Variants in DLGAP1 observed in about 807,000 individuals in gnomAD.
The protein encoded by DLGAP1 is disks large-associated protein 1.
A neutral mutation model predicts 90.8 loss-of-function variants in DLGAP1; 11 were observed. The observed-to-expected ratio is 0.12, with a 90% CI of 0.08 to 0.20. The LOEUF (loss-of-function observed/expected upper bound fraction) is 0.20, where lower values mean the gene tolerates loss of function less well. DLGAP1 is among the 10% of genes least tolerant of loss of function. The pLI is 1.00. For missense variants in DLGAP1, 1,050 were observed against 1,333.8 expected (o/e 0.79, Z 3.31); for synonymous variants, 558 against 540.7 (o/e 1.03, Z -0.44).
intron 6 of DLGAP1, among the ~76,000 whole-genome samples, chr18:3,741,556 A>G (rs1444195614): frequency 6.6e-6 from 1 of 150,636 alleles, no homozygotes; most frequent in Non-Finnish European, 1.5e-5. Context: ...CACCACCATC[A>G]CCATCACTAT....
chr18:3,989,467 C>G (rs1172264675), intron 3 of DLGAP1, among the ~76,000 whole-genome samples: 2 of 152,178 alleles, frequency 1.3e-5, no homozygotes, highest in East Asian at 3.9e-4. Flanking sequence ...TCCACACAGC[C>G]ATTGTATGAT....
chr18:4,181,003 G>A (rs1010982756), intron 1 of DLGAP1, among the ~76,000 whole-genome samples: 1 of 152,104 alleles, frequency 6.6e-6, no homozygotes, highest in African/African-American at 2.4e-5. Flanking sequence ...GATACTGATG[G>A]GTTTGAGCAA....
chr18:3,924,291 T>C (rs2072332909), intron 3 of DLGAP1, among the ~76,000 whole-genome samples: 1 of 152,134 alleles, frequency 6.6e-6, no homozygotes, highest in African/African-American at 2.4e-5. Context: ...CATGGGGAAA[T>C]ATAAAAAGCT....
chr18:3,854,145 C>T lies in DLGAP1; in HGVS notation c.957+24967G>A, dbSNP rs560565439. Reference sequence around the variant, plus strand: ...ATAACACCTGTAACAAAGTAATATGCTTTTAAATAAAATTTTAAAATGTAG... The same window carrying T: ...ATAACACCTGTAACAAAGTAATATGTTTTTAAATAAAATTTTAAAATGTAG... On this transcript the variant is annotated intron_variant, in intron 4 of 12. Transcript: ENST00000315677. Among the ~76,000 whole-genome samples the T allele has an allele frequency of 5.2e-3, 790 of 152,210 alleles. 10 individuals carry two copies. The highest frequency in any genetic ancestry group is 0.018 in the African/African-American group (752 of 41,532).
intron 1 of DLGAP1, among the ~76,000 whole-genome samples, chr18:4,339,346 G>A (rs1347411702): frequency 6.6e-6 from 1 of 152,152 alleles, no homozygotes; most frequent in Non-Finnish European, 1.5e-5. Context: ...CAGAGGGAGA[G>A]CATCAAGACA....
chr18:4,300,492 T>C (rs1349308108), intron 1 of DLGAP1, among the ~76,000 whole-genome samples: 1 of 152,164 alleles, frequency 6.6e-6, no homozygotes, highest in Admixed American at 6.5e-5. Context: ...ACACGCCTCT[T>C]TTGATTTTAC....
intron 1 of DLGAP1, among the ~76,000 whole-genome samples, chr18:4,161,465 T>A (rs2076844339): frequency 6.6e-6 from 1 of 152,188 alleles, no homozygotes; most frequent in Non-Finnish European, 1.5e-5. Flanking sequence ...GGTATATATG[T>A]ACCACATTTT....
intron 2 of DLGAP1, among the ~76,000 whole-genome samples, chr18:4,086,213 G>T (rs1304929879): frequency 6.6e-6 from 1 of 152,088 alleles, no homozygotes; most frequent in African/African-American, 2.4e-5. Context: ...GATCAAATTT[G>T]AGAAAAAGAA....
At chr18:4,381,925 G>A (rs546276325) in intron 1 of DLGAP1, among the ~76,000 whole-genome samples, 17 of 152,260 alleles carry the variant, frequency 1.1e-4, no homozygotes, top group South Asian at 4.2e-4. Context: ...CAAAAGACAC[G>A]TCTTACACGG....
intron 3 of DLGAP1, among the ~76,000 whole-genome samples, chr18:4,001,357 T>C (rs1568344185): frequency 6.6e-6 from 1 of 152,106 alleles, no homozygotes; most frequent in African/African-American, 2.4e-5. Flanking sequence ...TGAGTTAAAA[T>C]ATTAGGCTAA....
intron 2 of DLGAP1, among the ~76,000 whole-genome samples, chr18:4,120,497 T>C (rs2076134695): frequency 6.6e-6 from 1 of 152,126 alleles, no homozygotes; most frequent in African/African-American, 2.4e-5. Context: ...TAGCTTGTAA[T>C]CATAAAATCT....
intron 3 of DLGAP1, among the ~76,000 whole-genome samples, chr18:3,899,791 T>C (rs1023113787): frequency 1.3e-5 from 2 of 152,270 alleles, no homozygotes; most frequent in East Asian, 3.9e-4. Context: ...GGAAGCTTGG[T>C]AGGAAAAATC....
At chr18:4,368,316 A>G (rs2081825521) in intron 1 of DLGAP1, among the ~76,000 whole-genome samples, 1 of 152,202 alleles carries the variant, frequency 6.6e-6, no homozygotes, top group Non-Finnish European at 1.5e-5. Context: ...GACCACAGTA[A>G]GCAGATATTT....
chr18:4,087,333 G>C (rs1398489064), intron 2 of DLGAP1, among the ~76,000 whole-genome samples: 1 of 151,980 alleles, frequency 6.6e-6, no homozygotes, highest in African/African-American at 2.4e-5. Flanking sequence ...CCCACAACAG[G>C]TTTACCAGAA....
chr18:4,185,415 T>G (rs115523811), intron 1 of DLGAP1, among the ~76,000 whole-genome samples: 2,615 of 152,094 alleles, frequency 0.017, 82 homozygotes, highest in African/African-American at 0.06. Flanking sequence ...CCTCCAACCC[T>G]CGACTCCCAA....
chr18:4,093,583 C>CA lies in DLGAP1; in HGVS notation c.-159+57596dup, dbSNP rs55668469. On this transcript the variant is annotated intron_variant, in intron 2 of 12. Coordinates refer to ENST00000315677, the MANE Select transcript of DLGAP1 (RefSeq NM_004746.4). ...CCAATCTCTGAACCTAAACATTAAT[C>CA]AAAAAAAAAAAGGTCTTTGATATAC... Among the ~76,000 whole-genome samples, 1,396 of 149,116 alleles carry CA rather than the reference C, an allele frequency of 9.4e-3. 21 individuals carry two copies. The highest frequency in any genetic ancestry group is 0.042 in the South Asian group (197 of 4,702).
intron 10 of DLGAP1, among the ~76,000 whole-genome samples, chr18:3,518,875 C>T (rs2051001400): frequency 6.6e-6 from 1 of 152,248 alleles, no homozygotes; most frequent in Non-Finnish European, 1.5e-5. Context: ...AATCTTCACA[C>T]TCCAACCTCC....
At chr18:3,636,614 C>G (rs964901652) in intron 7 of DLGAP1, among the ~76,000 whole-genome samples, 2 of 151,012 alleles carry the variant, frequency 1.3e-5, no homozygotes, top group Non-Finnish European at 2.9e-5. Context: ...TGGGATTACT[C>G]TATGTTGGCC....
At chr18:3,928,553 G>A (rs1472421209) in intron 3 of DLGAP1, among the ~76,000 whole-genome samples, 1 of 152,178 alleles carries the variant, frequency 6.6e-6, no homozygotes, top group Non-Finnish European at 1.5e-5. Flanking sequence ...ACCTTATTAT[G>A]TGCCAGGCAT....
Sources: gnomAD v4.1 joint callset for allele counts (sites outside exome capture counted in the v4.1 genomes callset) on GRCh38, gnomAD v4.1.1 for gene constraint, MANE v1.5 for transcripts, NCBI Gene and HGNC (gene_info 2026-07-23, HGNC 2026-07-21) for gene names.